The following CYP2C19 variants were observed in gnomAD, a reference collection of about 807,000 sequenced individuals.
The protein encoded by CYP2C19 is cytochrome P450 family 2 subfamily C member 19, also known as cytochrome P450 2C19.
In CYP2C19, 59 loss-of-function variants were observed where a neutral mutation model predicts 40.9. The ratio of observed to expected loss-of-function variants is 1.44; its 90% confidence interval spans 1.17 to 1.79. The LOEUF (loss-of-function observed/expected upper bound fraction) is 1.79, where lower values mean the gene tolerates loss of function less well. CYP2C19 is among the 40% of genes most tolerant of loss of function. The pLI is 0.00. For missense variants in CYP2C19, 754 were observed against 596.9 expected (o/e 1.26, Z -2.74); for synonymous variants, 253 against 208.7 (o/e 1.21, Z -1.83).
chr10:94,771,316 G>A (rs759671313), intron 1 of CYP2C19, among the ~76,000 whole-genome samples: 6 of 152,114 alleles, frequency 3.9e-5, no homozygotes, highest in Non-Finnish European at 8.8e-5. Flanking sequence ...TGGAACTATA[G>A]GTAGGCTAGG....
intron 4 of CYP2C19, among the ~76,000 whole-genome samples, chr10:94,781,411 A>G (rs574521355): frequency 1.3e-5 from 2 of 152,266 alleles, no homozygotes; most frequent in African/African-American, 4.8e-5. Flanking sequence ...ATAGAAATCA[A>G]TATAGCAGGG....
intron 3 of CYP2C19, chr10:94,776,332 T>C (rs190947500): frequency 1.9e-4 from 29 of 152,278 alleles, no homozygotes; most frequent in Non-Finnish European, 3.7e-4. Flanking sequence ...GCTTATCTCT[T>C]TCCAATCATA....
intron 3 of CYP2C19, among the ~76,000 whole-genome samples, chr10:94,777,365 C>G (rs1213565260): frequency 1.3e-5 from 2 of 152,044 alleles, no homozygotes; most frequent in Non-Finnish European, 2.9e-5. Flanking sequence ...GCAAAAAGAA[C>G]AAAGCTGGAG....
At chr10:94,834,634 G>A (rs1849374969) in intron 6 of CYP2C19, among the ~76,000 whole-genome samples, 1 of 151,954 alleles carries the variant, frequency 6.6e-6, no homozygotes. Flanking sequence ...CCCAAAGGGG[G>A]TTGCCATTGC....
chr10:94,782,194 A>G (rs562491622), intron 5 of CYP2C19, among the ~76,000 whole-genome samples, 197 bp downstream of exon 5: 28 of 152,182 alleles, frequency 1.8e-4, no homozygotes, highest in Non-Finnish European at 3.8e-4. Context: ...ATTAGAATAC[A>G]TAGAAGAAAT....
chr10:94,779,120 G>A (rs958386800), intron 3 of CYP2C19, among the ~76,000 whole-genome samples: 1 of 152,006 alleles, frequency 6.6e-6, no homozygotes, highest in African/African-American at 2.4e-5. Flanking sequence ...TTGAGGGGTT[G>A]GGGGGCAAGG....
intron 7 of CYP2C19, among the ~76,000 whole-genome samples, chr10:94,848,005 A>T (rs1423648673): frequency 6.6e-6 from 1 of 151,942 alleles, no homozygotes; most frequent in Non-Finnish European, 1.5e-5. Flanking sequence ...AGATTGCAAA[A>T]ATTTTCTCCC....
At chr10:94,803,421 T>TAGCACAAG (rs1205724666) in intron 5 of CYP2C19, among the ~76,000 whole-genome samples, 1 of 152,204 alleles carries the variant, frequency 6.6e-6, no homozygotes, top group East Asian at 1.9e-4. Flanking sequence ...CAGCTGCAGC[T>TAGCACAAG]AGCACAAGTT....
chr10:94,836,043 T>C (rs1849398753), intron 6 of CYP2C19, among the ~76,000 whole-genome samples: 1 of 152,252 alleles, frequency 6.6e-6, no homozygotes, highest in Non-Finnish European at 1.5e-5. Flanking sequence ...AGTTATGTTC[T>C]ATCTTTTCTT....
At chr10:94,814,572 A>G (rs1848972806) in intron 5 of CYP2C19, among the ~76,000 whole-genome samples, 2 of 151,806 alleles carry the variant, frequency 1.3e-5, no homozygotes, top group African/African-American at 4.9e-5. Flanking sequence ...TATGGCCAAT[A>G]TCAGCAATAA....
intron 8 of CYP2C19, among the ~76,000 whole-genome samples, chr10:94,850,587 T>A (rs1849637722): frequency 6.6e-6 from 1 of 152,102 alleles, no homozygotes; most frequent in Non-Finnish European, 1.5e-5. Flanking sequence ...CAGGCTGTTG[T>A]GGGTTGGGAG....
intron 6 of CYP2C19, among the ~76,000 whole-genome samples, chr10:94,824,851 C>A (rs868714560): frequency 2.8e-5 from 4 of 140,722 alleles, no homozygotes; most frequent in South Asian, 4.7e-4. Flanking sequence ...ATTCCCCTTC[C>A]TGTGTCAATG....
At chr10:94,839,239 T>C (rs144468489) in intron 6 of CYP2C19, among the ~76,000 whole-genome samples, 3 of 151,782 alleles carry the variant, frequency 2.0e-5, no homozygotes, top group Non-Finnish European at 4.4e-5. Flanking sequence ...AAAGGGGCCC[T>C]GGCTGCTGGA....
At chr10:94,831,119 A>G (rs1310882393) in intron 6 of CYP2C19, among the ~76,000 whole-genome samples, 1 of 152,186 alleles carries the variant, frequency 6.6e-6, no homozygotes, top group Non-Finnish European at 1.5e-5. Flanking sequence ...ATAAGTGAGA[A>G]CATGCTATGT....
chr10:94,778,546 A>C (rs1216076591), intron 3 of CYP2C19, among the ~76,000 whole-genome samples: 1 of 152,230 alleles, frequency 6.6e-6, no homozygotes, highest in Non-Finnish European at 1.5e-5. Flanking sequence ...TAGAGAATGC[A>C]AATCAAAACC....
intron 6 of CYP2C19, among the ~76,000 whole-genome samples, chr10:94,841,953 G>C (rs770917849): frequency 1.6e-4 from 25 of 152,194 alleles, no homozygotes; most frequent in Non-Finnish European, 4.4e-5. Flanking sequence ...CTGTGGAAAA[G>C]AATGTGTATC....
intron 6 of CYP2C19, among the ~76,000 whole-genome samples, chr10:94,830,905 A>G (rs183227615): frequency 6.3e-4 from 96 of 152,202 alleles, no homozygotes; most frequent in African/African-American, 2.2e-3. Context: ...TGAGTTACAA[A>G]CAATTCAATT....
Position 94,853,276 on chromosome 10 carries a change from C to G in CYP2C19, c.*362C>G. The G allele has an allele frequency of 2.7e-6, 1 of 368,528 alleles. No individual in the cohort carries two copies. Among genetic ancestry groups the G allele is most frequent in the South Asian group, 2.3e-5 (1 of 42,820 alleles). The allele number at this position is 368,528 out of a possible 1,614,324, so 22.8% of individuals were successfully genotyped here. On this transcript the variant is annotated 3_prime_UTR_variant, in exon 9 of 9. Transcript: ENST00000371321. ...TATTTGCTGAGTCAGGTTATTAGAC[C>G]TTCCTTCCTTTGTGCATAATGCAGG...
At chr10:94,822,717 C>T (rs1410561613) in intron 6 of CYP2C19, among the ~76,000 whole-genome samples, 2 of 152,170 alleles carry the variant, frequency 1.3e-5, no homozygotes, top group African/African-American at 4.8e-5. Context: ...CTTTTGTCTG[C>T]AACCTCACCA....
Sources: allele counts gnomAD v4.1 joint callset (sites outside exome capture counted in the v4.1 genomes callset), GRCh38; gene constraint gnomAD v4.1.1; transcripts MANE v1.5; gene names NCBI Gene and HGNC (gene_info 2026-07-23, HGNC 2026-07-21).